The following UBTD1 variants were observed in gnomAD, a reference collection of about 807,000 sequenced individuals.
The protein encoded by UBTD1 is ubiquitin domain containing 1.
UBTD1 carries 19 observed loss-of-function variants against 21.7 expected under a neutral mutation model. The ratio of observed to expected loss-of-function variants is 0.87; its 90% CI spans 0.61 to 1.28. The LOEUF (loss-of-function observed/expected upper bound fraction) is 1.28. Among genes scored for constraint, UBTD1 ranks in the 50% most tolerant of loss-of-function variants. The pLI, the probability that UBTD1 is intolerant of heterozygous loss-of-function variation, is 0.00. For missense variants in UBTD1, 282 were observed against 315.1 expected, an observed-to-expected ratio of 0.89 and a Z score of 0.80; for synonymous variants, 116 against 135.1, an observed-to-expected ratio of 0.86 and a Z score of 0.98.
intron 1 of UBTD1, among the ~76,000 whole-genome samples, chr10:97,534,476 A>G (rs1217805709): frequency 6.6e-6 from 1 of 152,084 alleles, no homozygotes; most frequent in African/African-American, 2.4e-5. Flanking sequence ...CCACTTTGTC[A>G]TGACAAGGAT....
intron 1 of UBTD1, among the ~76,000 whole-genome samples, chr10:97,537,400 G>A (rs998386485): frequency 2.6e-5 from 4 of 152,220 alleles, no homozygotes; most frequent in Non-Finnish European, 5.9e-5. Flanking sequence ...GATAGCTAGA[G>A]AGCAGGGGCC....
At chr10:97,537,796 G>T (rs2040570037) in intron 1 of UBTD1, among the ~76,000 whole-genome samples, 1 of 151,466 alleles carries the variant, frequency 6.6e-6, no homozygotes, top group South Asian at 2.1e-4. Flanking sequence ...GTCTTTCAGG[G>T]TGTGTGCTTG....
chr10:97,547,174 C>T (rs1418853220), intron 1 of UBTD1, among the ~76,000 whole-genome samples: 1 of 152,222 alleles, frequency 6.6e-6, no homozygotes, highest in Non-Finnish European at 1.5e-5. Context: ...GTGCCGTTCG[C>T]TTCTAGGCAC....
At chr10:97,499,494 T>C (rs2040317538) in intron 1 of UBTD1, among the ~76,000 whole-genome samples, 1 of 151,988 alleles carries the variant, frequency 6.6e-6, no homozygotes. Context: ...ACCAACTCTC[T>C]CCAACTGGGT....
At chr10:97,512,364 C>T (rs1275832203) in intron 1 of UBTD1, among the ~76,000 whole-genome samples, 1 of 152,190 alleles carries the variant, frequency 6.6e-6, no homozygotes, top group African/African-American at 2.4e-5. Flanking sequence ...CTCCCCTATA[C>T]TCTCATATCA....
chr10:97,517,875 G>A (rs1394868389), intron 1 of UBTD1, among the ~76,000 whole-genome samples: 5 of 152,162 alleles, frequency 3.3e-5, no homozygotes, highest in Non-Finnish European at 7.4e-5. Context: ...GGTGCTGTGT[G>A]TGTGTGGAGA....
At chr10:97,553,688 C>T (rs59063780) in intron 1 of UBTD1, among the ~76,000 whole-genome samples, 2,045 of 152,238 alleles carry the variant, frequency 0.013, 39 homozygotes, top group African/African-American at 0.047. Flanking sequence ...TGCGGCTGCC[C>T]TCTGCTGGCT....
At chr10:97,513,207 C>T (rs771211862) in intron 1 of UBTD1, among the ~76,000 whole-genome samples, 2 of 152,188 alleles carry the variant, frequency 1.3e-5, no homozygotes, top group Non-Finnish European at 2.9e-5. Flanking sequence ...TCCACCCTGC[C>T]TCATTCCTGC....
chr10:97,567,790 G>A, intron 1 of UBTD1, 124 bp from the exon 2 acceptor site: 1 of 894,380 alleles, frequency 1.1e-6, no homozygotes, highest in Non-Finnish European at 1.7e-6. Context: ...TCAAAGACCT[G>A]AATACTTAGT....
chr10:97,556,975 T>C (rs999912560), intron 1 of UBTD1, among the ~76,000 whole-genome samples: 1 of 152,174 alleles, frequency 6.6e-6, no homozygotes, highest in Non-Finnish European at 1.5e-5. Flanking sequence ...TCCTTTTCCT[T>C]CTCTAGCTAT....
At chr10:97,531,385 A>G (rs2040531310) in intron 1 of UBTD1, among the ~76,000 whole-genome samples, 1 of 150,440 alleles carries the variant, frequency 6.6e-6, no homozygotes, top group Non-Finnish European at 1.5e-5. Flanking sequence ...TAATTTTTGT[A>G]TTTTCGTAGA....
At chr10:97,524,422 A>C (rs73330759) in intron 1 of UBTD1, among the ~76,000 whole-genome samples, 3,501 of 152,080 alleles carry the variant, frequency 0.023, 104 homozygotes, top group African/African-American at 0.074. Context: ...TTTTACCCTG[A>C]CTGGCACACC....
chr10:97,531,327 C>T (rs1264648419), intron 1 of UBTD1, among the ~76,000 whole-genome samples: 1 of 151,872 alleles, frequency 6.6e-6, no homozygotes, highest in Non-Finnish European at 1.5e-5. Context: ...CCTCCTGCCT[C>T]AGCCTCCTGA....
At chr10:97,547,467 C>T (rs2040616474) in intron 1 of UBTD1, among the ~76,000 whole-genome samples, 1 of 152,216 alleles carries the variant, frequency 6.6e-6, no homozygotes, top group Non-Finnish European at 1.5e-5. Flanking sequence ...ATCCATCAAG[C>T]CCACTCTCTG....
chr10:97,507,774 C>CAAAAAA (rs61128714), intron 1 of UBTD1, among the ~76,000 whole-genome samples: 4 of 59,542 alleles, frequency 6.7e-5, no homozygotes, highest in Admixed American at 2.1e-4. Context: ...GACTCCGTCT[C>CAAAAAA]AAAAAAAAAA....
chr10:97,502,876 T>TAC (rs1159667294), intron 1 of UBTD1, among the ~76,000 whole-genome samples: 2 of 129,910 alleles, frequency 1.5e-5, no homozygotes, highest in African/African-American at 5.9e-5. Flanking sequence ...CGTATATATG[T>TAC]ATATATATAC....
chr10:97,522,471 GT>G (rs756001434), intron 1 of UBTD1, among the ~76,000 whole-genome samples: 1 of 152,210 alleles, frequency 6.6e-6, no homozygotes. Context: ...AAGTTTTCCT[GT>G]TATAGCTCTT....
Position 97,499,078 on chromosome 10 carries a change from C to G in UBTD1, c.-126C>G. ...AGCCATCGCTGGGGCTGAGCGCGCC[C>G]CCGGGGGGAGATCGGGGAGCGCCCG... On this transcript the variant is annotated 5_prime_UTR_variant, in exon 1 of 3. Transcript: ENST00000370664. The G allele has an allele frequency of 8.0e-6, 9 of 1,121,562 alleles. No individual in the cohort carries two copies. The highest frequency in any genetic ancestry group is 1.1e-5 in the Non-Finnish European group (9 of 812,604). The allele number at this position is 1,121,562 out of a possible 1,614,324, so 69.5% of individuals were successfully genotyped here. A position where few individuals can be genotyped will look rare whatever the true frequency, so the allele number is the denominator to read the frequency against.
At chr10:97,499,376 T>A in intron 1 of UBTD1, 103 bp downstream of exon 1, 1 of 1,363,868 alleles carries the variant, frequency 7.3e-7, no homozygotes, top group Non-Finnish European at 9.7e-7. Context: ...GTGCTGGCGC[T>A]TGGGTTTCCC....
Sources: allele counts gnomAD v4.1 joint callset (sites outside exome capture counted in the v4.1 genomes callset), GRCh38; gene constraint gnomAD v4.1.1; transcripts MANE v1.5; gene names NCBI Gene and HGNC (gene_info 2026-07-23, HGNC 2026-07-21).